REG4: variants seen among roughly 807,000 people sequenced by gnomAD.
REG4 encodes the protein regenerating family member 4, also known as regenerating islet-derived protein 4.
A neutral mutation model predicts 22.3 loss-of-function variants in REG4; 16 were observed. The ratio of observed to expected loss-of-function variants is 0.72; its 90% CI spans 0.49 to 1.09. The LOEUF (loss-of-function observed/expected upper bound fraction) is 1.09, where lower values mean the gene tolerates loss of function less well. REG4 is among the 50% of genes least tolerant of loss of function. REG4 has a pLI of 0.00. For synonymous variants in REG4, 71 were observed against 69.2 expected (o/e 1.03, Z -0.13); for missense variants, 214 against 193.9 (o/e 1.10, Z -0.61).
intron 1 of REG4, among the ~76,000 whole-genome samples, chr1:119,810,518 G>A (rs1654462382): frequency 6.6e-6 from 1 of 152,164 alleles, no homozygotes; most frequent in Non-Finnish European, 1.5e-5. Context: ...GAGTGTGGAT[G>A]TGACCTTCCC....
rs1419113500 is a variant in REG4, at chr1:119,804,681, C to T, written c.68-1516G>A. On this transcript the variant is annotated intron_variant, in intron 2 of 5. Coordinates refer to ENST00000256585, the MANE Select transcript of REG4 (RefSeq NM_032044.4). ...GCCATTGCCGTTACTACTAGTACCACTGTCACTAGCTTTTGTAAATAAGGT... is the reference window on the plus strand; with the variant it reads ...GCCATTGCCGTTACTACTAGTACCATTGTCACTAGCTTTTGTAAATAAGGT... Among the ~76,000 whole-genome samples the T allele has an allele frequency of 3.3e-5, 5 of 152,350 alleles. No homozygotes were observed. In the East Asian group the frequency reaches 9.6e-4, roughly 29 times the overall value.
intron 3 of REG4, chr1:119,801,775 C>T (rs6428843): frequency 0.42 from 64,133 of 152,266 alleles, 13,854 homozygotes; most frequent in Admixed American, 0.48. Context: ...CTTCGCTGTC[C>T]TAGCACCCTC....
At chr1:119,804,432 C>T (rs1408613676) in intron 2 of REG4, among the ~76,000 whole-genome samples, 7 of 152,174 alleles carry the variant, frequency 4.6e-5, no homozygotes, top group African/African-American at 4.8e-5. Flanking sequence ...TCTTGGAACA[C>T]GAATGCTCAG....
chr1:119,807,515 G>A (rs190381661), intron 2 of REG4, among the ~76,000 whole-genome samples: 24 of 152,324 alleles, frequency 1.6e-4, no homozygotes, highest in Admixed American at 6.5e-4. Context: ...GTTTCACTAA[G>A]TAGGTCTGAA....
chr1:119,799,184 C>T (rs1654023234), intron 4 of REG4, among the ~76,000 whole-genome samples: 1 of 151,778 alleles, frequency 6.6e-6, no homozygotes, highest in Non-Finnish European at 1.5e-5. Flanking sequence ...AACTGAAGAC[C>T]CCACACCTAG....
In REG4 at chr1:119,802,837, C is replaced by T. The variant is rs184384495; in HGVS notation, c.165+231G>A. On this transcript the variant is annotated intron_variant, in intron 3 of 5. Coordinates refer to ENST00000256585, the MANE Select transcript of REG4 (RefSeq NM_032044.4). ...GGGTAGGGGCTCTTTCCTATGTATC[C>T]GTATGTGCTTGTAGCCCATCTAGGG... 5.4e-4 allele frequency: 832 copies of T among 1,538,388 alleles called. 7 individuals are homozygous for T. The highest frequency in any genetic ancestry group is 2.7e-4 in the East Asian group (11 of 40,854).
intron 5 of REG4, among the ~76,000 whole-genome samples, chr1:119,795,579 G>A (rs1399100050): frequency 6.6e-6 from 1 of 152,240 alleles, no homozygotes. Context: ...CTGCAGCAGA[G>A]CGAGGAGTTG....
chr1:119,799,038 C>T (rs1175605765), intron 4 of REG4, among the ~76,000 whole-genome samples: 5 of 152,052 alleles, frequency 3.3e-5, no homozygotes, highest in African/African-American at 9.7e-5. Flanking sequence ...TGGACACATA[C>T]ATATTCGTGA....
chr1:119,798,486 T>G lies in REG4; in HGVS notation c.409+11A>C. On this transcript the variant is annotated intron_variant, in intron 5 of 5. Coordinates refer to ENST00000256585, the MANE Select transcript of REG4 (RefSeq NM_032044.4). Reference sequence around the variant, plus strand: ...TTGGGAAGTGGTGAGGGGTGGTGCATTATAACTTACTGTTATTGGAGCTCA... The same window carrying G: ...TTGGGAAGTGGTGAGGGGTGGTGCAGTATAACTTACTGTTATTGGAGCTCA... 6.2e-7 allele frequency: 1 copy of G among 1,604,472 alleles called. No individual in the cohort carries two copies. Among genetic ancestry groups the G allele is most frequent in the African/African-American group, 1.3e-5 (1 of 74,822 alleles).
chr1:119,804,312 C>T (rs1329979123), intron 2 of REG4, among the ~76,000 whole-genome samples: 1 of 152,204 alleles, frequency 6.6e-6, no homozygotes, highest in Non-Finnish European at 1.5e-5. Context: ...TCCCAGGGCT[C>T]CCCATTGCTT....
At chr1:119,799,249 A>C (rs1018488737) in intron 4 of REG4, among the ~76,000 whole-genome samples, 34 of 152,228 alleles carry the variant, frequency 2.2e-4, no homozygotes, top group African/African-American at 8.2e-4. Flanking sequence ...TCTTACAAGA[A>C]GGTATTGATG....
intron 2 of REG4, among the ~76,000 whole-genome samples, 153 bp downstream of exon 2, chr1:119,808,550 T>A (rs141465344): frequency 1.5e-3 from 227 of 152,346 alleles, no homozygotes; most frequent in African/African-American, 5.1e-3. Flanking sequence ...AGCCCTTGAA[T>A]TTTTTAGTAC....
chr1:119,794,834 T>A, intron 5 of REG4, 149 bp from the exon 6 acceptor site: 1 of 725,936 alleles, frequency 1.4e-6, no homozygotes, highest in Non-Finnish European at 2.4e-6. Flanking sequence ...GTACAGTTGT[T>A]TGATTGCTGC....
chr1:119,802,842 G>A (rs1397618529), intron 3 of REG4: 2 of 1,542,954 alleles, frequency 1.3e-6, no homozygotes, highest in Admixed American at 3.9e-5. Flanking sequence ...GTATCCGTAT[G>A]TGCTTGTAGC....
At chr1:119,803,280 G>A (rs756838789) in intron 2 of REG4, 115 bp from the exon 3 acceptor site, 17 of 1,112,984 alleles carry the variant, frequency 1.5e-5, no homozygotes, top group Non-Finnish European at 2.1e-5. Context: ...TTCATGAAGG[G>A]TCCTGCTACA....
chr1:119,798,705 A>T (rs1654007766), intron 4 of REG4, 103 bp from the exon 5 acceptor site: 1 of 776,326 alleles, frequency 1.3e-6, no homozygotes, highest in Non-Finnish European at 2.2e-6. Context: ...CATTGCAAAC[A>T]TTGGGAAAGT....
chr1:119,803,216 T>C (rs1457265830), intron 2 of REG4, 51 bp from the exon 3 acceptor site: 6 of 1,482,394 alleles, frequency 4.0e-6, no homozygotes, highest in Non-Finnish European at 4.5e-6. Flanking sequence ...AAACAATCAA[T>C]TCCCAGACTT....
chr1:119,794,543 G>C lies in REG4; in HGVS notation c.*75C>G. 7.5e-7 allele frequency: 1 copy of C among 1,327,566 alleles called. No homozygotes were observed. Among genetic ancestry groups the C allele is most frequent in the Non-Finnish European group, 1.1e-6 (1 of 919,062 alleles). 82.2% of individuals were successfully genotyped at this position (1,327,566 alleles called of 1,614,324 possible). ...TGCTAGGTTTCCCCTCTGAAATAAT[G>C]AGCAGATTTAGCCAGGCTAGCAGAA... On this transcript the variant is annotated 3_prime_UTR_variant, in exon 6 of 6. Transcript: ENST00000256585.
In REG4 at chr1:119,803,153, C is replaced by A. The variant is rs1654174911; in HGVS notation, c.80G>T (p.Arg27Ile). The A allele has an allele frequency of 2.0e-6, 3 of 1,520,420 alleles. No individual in the cohort carries two copies. Among genetic ancestry groups the A allele is most frequent in the Non-Finnish European group, 2.6e-6 (3 of 1,136,398 alleles). 94.2% of individuals were successfully genotyped at this position (1,520,420 alleles called of 1,614,324 possible). A position where few individuals can be genotyped will look rare whatever the true frequency, so the allele number is the denominator to read the frequency against. ...KTGVLGDIIM[R>I]PSCAPGWFYH... ...AAACCATCCAGGAGCACAGCTGGGT[C>A]TCATGATGATATCTGCACATAAACA... is the stretch of plus-strand genomic sequence containing the variant. The change falls in exon 3 of 6, where the codon AGA (arginine) becomes ATA (isoleucine). Residue 27 changes from arginine to isoleucine, a missense_variant. Coordinates refer to ENST00000256585, the MANE Select transcript of REG4 (RefSeq NM_032044.4).
Sources: allele counts gnomAD v4.1 joint callset (sites outside exome capture counted in the v4.1 genomes callset), GRCh38; gene constraint gnomAD v4.1.1; transcripts MANE v1.5; gene names NCBI Gene and HGNC (gene_info 2026-07-23, HGNC 2026-07-21).